Variants in DYNC2H1 observed in about 807,000 individuals in gnomAD.
The protein encoded by DYNC2H1 is cytoplasmic dynein 2 heavy chain 1.
In DYNC2H1, 410 loss-of-function variants were observed where a neutral mutation model predicts 570.0. The ratio of observed to expected loss-of-function variants is 0.72; its 90% CI spans 0.66 to 0.78. The LOEUF (loss-of-function observed/expected upper bound fraction) is 0.78. DYNC2H1 is among the 30% of genes least tolerant of loss of function. DYNC2H1 has a pLI of 0.00. For missense variants in DYNC2H1, 4,865 were observed against 5,046.4 expected, an observed-to-expected ratio of 0.96 and a Z score of 1.09; for synonymous variants, 1,688 against 1,677.6, an observed-to-expected ratio of 1.01 and a Z score of -0.15.
At chr11:103,259,828 A>T in intron 69 of DYNC2H1, 60 bp from the exon 70 acceptor site, 2 of 1,168,790 alleles carry the variant, frequency 1.7e-6, no homozygotes, top group African/African-American at 1.6e-5. Flanking sequence ...GGAACAATTT[A>T]TAGGCGTACT....
chr11:103,389,418 A>G (rs1313126357), intron 83 of DYNC2H1, among the ~76,000 whole-genome samples: 3 of 152,128 alleles, frequency 2.0e-5, no homozygotes, highest in African/African-American at 7.2e-5. Flanking sequence ...CTAGCAGTCT[A>G]TCAATTTTGT....
At chr11:103,477,554 G>A (rs568658029) in intron 88 of DYNC2H1, among the ~76,000 whole-genome samples, 36 of 152,108 alleles carry the variant, frequency 2.4e-4, no homozygotes, top group South Asian at 2.3e-3. Flanking sequence ...TCAATTGGCC[G>A]GATGCAGTGG....
chr11:103,124,445 C>CAA (rs34997507), intron 11 of DYNC2H1, among the ~76,000 whole-genome samples: 786 of 71,122 alleles, frequency 0.011, 6 homozygotes, highest in Middle Eastern at 0.025. Flanking sequence ...TACCCTGTCT[C>CAA]AAAAAAAAAA....
At chr11:103,338,093 G>T (rs1000898219) in intron 82 of DYNC2H1, among the ~76,000 whole-genome samples, 98 of 152,210 alleles carry the variant, frequency 6.4e-4, no homozygotes, top group African/African-American at 2.2e-3. Flanking sequence ...TCTGCATAAG[G>T]TTATCCAGTT....
chr11:103,470,552 C>G (rs1253076984), intron 88 of DYNC2H1, among the ~76,000 whole-genome samples: 4 of 152,174 alleles, frequency 2.6e-5, no homozygotes, highest in Non-Finnish European at 4.4e-5. Flanking sequence ...AGGTATATCT[C>G]CTAATGCTAT....
chr11:103,401,194 C>A (rs1390033440), intron 84 of DYNC2H1, among the ~76,000 whole-genome samples: 1 of 152,116 alleles, frequency 6.6e-6, no homozygotes, highest in Non-Finnish European at 1.5e-5. Flanking sequence ...AATCACACAG[C>A]AAAGAGTTCC....
intron 88 of DYNC2H1, among the ~76,000 whole-genome samples, chr11:103,470,600 G>C (rs1404969953): frequency 6.6e-6 from 1 of 152,104 alleles, no homozygotes; most frequent in Non-Finnish European, 1.5e-5. Context: ...AGAGTGTGAT[G>C]TTCCCCTTCC....
intron 30 of DYNC2H1, among the ~76,000 whole-genome samples, chr11:103,164,515 G>C (rs944127367): frequency 3.3e-5 from 5 of 152,186 alleles, no homozygotes; most frequent in Admixed American, 6.5e-5. Context: ...AATAATGGTA[G>C]AGAGGGTACT....
In DYNC2H1 at chr11:103,231,262, A is replaced by G. The variant is rs1863997138; in HGVS notation, c.9356A>G (p.Asn3119Ser). The G allele has an allele frequency of 6.3e-7, 1 of 1,592,862 alleles. No individual in the cohort carries two copies. The highest frequency in any genetic ancestry group is 8.6e-7 in the Non-Finnish European group (1 of 1,167,226). ...TATAATATTGAGTTATATTTTAGGA[A>G]TCTGAAGAAAACTGAAGACAGAAAA... ...LETEQAGLES[N>S]LKKTEDRKRK... The change falls in exon 60 of 89, where the codon AAT becomes AGT. Residue 3119 changes from asparagine to serine, a missense_variant and splice_region_variant. Transcript: ENST00000375735.
rs1866070041 is a variant in DYNC2H1 at position 103,280,093 on chromosome 11, T to C, written c.10696-255T>C. ...GGCTAAGTTAGTTTTGTTTTGTTTT[T>C]TAATGACATGGGCCCACTGCATAAT... On this transcript the variant is annotated intron_variant, in intron 70 of 88. Coordinates refer to ENST00000375735, the MANE Select transcript of DYNC2H1 (RefSeq NM_001377.3). This position sits in a 1 kb window ranked among gnomAD's most constrained non-coding sequence, Gnocchi z 4.7. Among the ~76,000 whole-genome samples, 1 of 152,160 alleles carries C rather than the reference T, an allele frequency of 6.6e-6. No homozygotes were observed. The highest frequency in any genetic ancestry group is 1.5e-5 in the Non-Finnish European group (1 of 68,008).
At chr11:103,298,328 A>G (rs1344914912) in intron 75 of DYNC2H1, among the ~76,000 whole-genome samples, 1 of 152,120 alleles carries the variant, frequency 6.6e-6, no homozygotes, top group East Asian at 1.9e-4. Flanking sequence ...GAGGTTCTTA[A>G]GAGAGGTTTT....
In DYNC2H1 at chr11:103,261,774, A is replaced by T. The variant is rs1239605851; in HGVS notation, c.10695+1797A>T. On this transcript the variant is annotated intron_variant, in intron 70 of 88. Coordinates refer to ENST00000375735, the MANE Select transcript of DYNC2H1 (RefSeq NM_001377.3). The surrounding 1 kb of genome is among the most constrained non-coding windows in gnomAD (Gnocchi z 4.8). The stretch of plus-strand genomic sequence containing the variant: ...GCGCAAAAAGACTGAAAATTCCAAA[A>T]ACCAGAATGCCTCTTTTTCTCCAAA... 2.0e-5 allele frequency among the ~76,000 whole-genome samples: 3 copies of T among 152,204 alleles called. No individual in the cohort carries two copies.
At chr11:103,292,627 TG>T (rs1866661780) in intron 75 of DYNC2H1, among the ~76,000 whole-genome samples, 3 of 152,208 alleles carry the variant, frequency 2.0e-5, no homozygotes. Flanking sequence ...ATTTGAGCCA[TG>T]GGGGCAGATC....
At chr11:103,313,272 T>C (rs188388379) in intron 79 of DYNC2H1, among the ~76,000 whole-genome samples, 1 of 152,334 alleles carries the variant, frequency 6.6e-6, no homozygotes, top group African/African-American at 2.4e-5. Context: ...TTTTAAGGTC[T>C]TGAATCTGTC....
In DYNC2H1 at chr11:103,133,630, A is replaced by G; in HGVS notation, c.2029A>G (p.Lys677Glu). 1 of 1,613,258 alleles carries G rather than the reference A, an allele frequency of 6.2e-7. No individual in the cohort carries two copies. Among genetic ancestry groups the G allele is most frequent in the South Asian group, 1.1e-5 (1 of 90,788 alleles). The change falls in exon 14 of 89, where the codon AAA becomes GAA. Residue 677 changes from lysine to glutamate, a missense_variant. By Grantham distance (56) the Lys-to-Glu change is moderately conservative. Transcript: ENST00000375735. The surrounding 1 kb of genome is among the most constrained non-coding windows in gnomAD (Gnocchi z 4.8). The part of the protein sequence containing the change: ...NPKELEGYIQ[K>E]LQNAAERLAT... ...TAAAGAATTAGAAGGCTATATCCAA[A>G]AACTCCAAAATGCTGCTGAACGGCT...
intron 57 of DYNC2H1, 141 bp downstream of exon 57, chr11:103,220,924 G>A (rs1019027759): frequency 1.1e-5 from 8 of 709,858 alleles, no homozygotes; most frequent in African/African-American, 1.8e-5. Context: ...AAATTTCAAG[G>A]TATTCTATGT....
In DYNC2H1 at chr11:103,194,151, AC is replaced by A. The variant is rs1862425703; in HGVS notation, c.7708+1888del. Among the ~76,000 whole-genome samples the A allele has an allele frequency of 2.0e-5, 3 of 152,302 alleles. No homozygotes were observed. In the South Asian group the frequency reaches 6.2e-4, roughly 32 times the overall value. On this transcript the variant is annotated intron_variant, in intron 47 of 88. Transcript: ENST00000375735. ...CTCACTTCTCTCCCATCTCCTGGAA[AC>A]TACTAATCTGTTGTTTCTTTAATTT...
At chr11:103,192,290 A>G in intron 47 of DYNC2H1, 26 bp downstream of exon 47, 1 of 1,431,924 alleles carries the variant, frequency 7.0e-7, no homozygotes, top group East Asian at 2.4e-5. Context: ...TTATGCAAAT[A>G]CATAACTATT....
chr11:103,399,140 T>TTTG (rs1242743356), intron 83 of DYNC2H1, among the ~76,000 whole-genome samples: 1 of 138,344 alleles, frequency 7.2e-6, no homozygotes, highest in Non-Finnish European at 1.5e-5. Flanking sequence ...CCCACACCGT[T>TTTG]TTTTTTTTGT....
Sources: allele counts gnomAD v4.1 joint callset (sites outside exome capture counted in the v4.1 genomes callset), GRCh38; gene constraint gnomAD v4.1.1; non-coding constraint Gnocchi (gnomAD v3.1); transcripts MANE v1.5; gene names NCBI Gene and HGNC (gene_info 2026-07-23, HGNC 2026-07-21).